MECR: variants seen among roughly 807,000 people sequenced by gnomAD.
MECR encodes enoyl-[acyl-carrier-protein] reductase, mitochondrial.
In MECR, 37 loss-of-function variants were observed where a neutral mutation model predicts 49.1. That is an observed-to-expected ratio of 0.75 (90% CI 0.58 to 0.99). The LOEUF is 0.99. Among genes scored for constraint, MECR ranks in the 50% least tolerant of loss-of-function variants. The pLI is 0.00. For missense variants in MECR, 470 were observed against 479.6 expected (o/e 0.98, Z 0.19); for synonymous variants, 198 against 191.1 (o/e 1.04, Z -0.30).
the MECR span, chr1:29,171,345 C>A: frequency 6.6e-6 from 1 of 150,444 alleles, no homozygotes; most frequent in African/African-American, 2.5e-5. Context: ...CAGAGGCAAT[C>A]CCCAAAGGAC....
chr1:29,177,231 T>C, the MECR span, among the ~76,000 whole-genome samples: 1 of 151,830 alleles, frequency 6.6e-6, no homozygotes, highest in African/African-American at 2.4e-5. Context: ...TGTTGCTTCC[T>C]TGACGTGCAT....
chr1:29,194,952 C>T (rs1673605673), intron 9 of MECR, among the ~76,000 whole-genome samples: 1 of 151,948 alleles, frequency 6.6e-6, no homozygotes, highest in Non-Finnish European at 1.5e-5. Context: ...CCCATTTCTA[C>T]TAAAAATACA....
intron 1 of MECR, chr1:29,230,474 T>C (rs1400133663): frequency 6.2e-6 from 3 of 481,596 alleles, no homozygotes; most frequent in South Asian, 2.7e-5. Flanking sequence ...AGAGCATCCA[T>C]TTAAACAAGG....
chr1:29,219,710 G>A (rs1339662004), intron 1 of MECR, among the ~76,000 whole-genome samples: 1 of 152,172 alleles, frequency 6.6e-6, no homozygotes, highest in African/African-American at 2.4e-5. Context: ...CCCAATGGGG[G>A]CTGTTGTAGC....
chr1:29,226,167 T>TGAA (rs1491141216), intron 1 of MECR, among the ~76,000 whole-genome samples: 1 of 44,364 alleles, frequency 2.3e-5, no homozygotes, highest in East Asian at 6.4e-4. Context: ...AGGCTCTATC[T>TGAA]AAAAAAAAAA....
intron 4 of MECR, among the ~76,000 whole-genome samples, chr1:29,204,775 T>C (rs2640463): frequency 0.83 from 125,553 of 152,168 alleles, 52,386 homozygotes; most frequent in Middle Eastern, 0.89. Context: ...GGGCATGGGA[T>C]GCAAGCAAAC....
chr1:29,194,270 AC>A, intron 9 of MECR, 91 bp from the exon 10 acceptor site: 8 of 1,377,810 alleles, frequency 5.8e-6, no homozygotes, highest in Non-Finnish European at 7.9e-6. Flanking sequence ...AGGAGCTGGC[AC>A]CAAGCTCCAA....
the MECR span, chr1:29,172,552 A>T: frequency 6.6e-6 from 1 of 152,186 alleles, no homozygotes; most frequent in Non-Finnish European, 1.5e-5. Context: ...TTGGCCTCCT[A>T]AAGTGCTGGA....
intron 3 of MECR, 39 bp from the exon 4 acceptor site, chr1:29,206,944 C>A (rs773998188): frequency 6.2e-7 from 1 of 1,610,344 alleles, no homozygotes; most frequent in Admixed American, 1.7e-5. Flanking sequence ...AAGGAAGGAG[C>A]CCTGTGCACA....
chr1:29,204,713 G>A (rs556194447), intron 4 of MECR, among the ~76,000 whole-genome samples: 82 of 152,260 alleles, frequency 5.4e-4, no homozygotes, highest in African/African-American at 1.8e-3. Flanking sequence ...GGGCAGCGTC[G>A]AAATGCCTAG....
At chr1:29,223,035 AAAAC>A (rs372350731) in intron 1 of MECR, 256 of 963,760 alleles carry the variant, frequency 2.7e-4, no homozygotes, top group African/African-American at 1.0e-3. Context: ...GTTCTTTAAA[AAAAC>A]AAACAAACAA....
intron 3 of MECR, among the ~76,000 whole-genome samples, chr1:29,208,434 G>A (rs939387366): frequency 6.6e-6 from 1 of 152,340 alleles, no homozygotes; most frequent in African/African-American, 2.4e-5. Flanking sequence ...GCACAGGCAA[G>A]AACAGCCTGA....
chr1:29,168,582 G>A, the MECR span: 1 of 152,190 alleles, frequency 6.6e-6, no homozygotes, highest in Non-Finnish European at 1.5e-5. Flanking sequence ...GTTCCCATTA[G>A]CCAGTGTCAG....
chr1:29,218,665 G>A (rs1239762555), intron 1 of MECR, among the ~76,000 whole-genome samples: 1 of 152,156 alleles, frequency 6.6e-6, no homozygotes, highest in Non-Finnish European at 1.5e-5. Flanking sequence ...GAGGTCAGGA[G>A]GTCGAGACCA....
intron 1 of MECR, among the ~76,000 whole-genome samples, chr1:29,217,925 T>C (rs1228219560): frequency 6.6e-6 from 1 of 152,194 alleles, no homozygotes; most frequent in South Asian, 2.1e-4. Flanking sequence ...GAAAAGACCC[T>C]GGGTGGAGGG....
At position 29,216,457 on chromosome 1, in the gene MECR, G is replaced by A; in HGVS notation, c.274+131C>T. On this transcript the variant is annotated intron_variant, in intron 2 of 9. Coordinates refer to ENST00000263702, the MANE Select transcript of MECR (RefSeq NM_016011.5). ...AGGCCAGACAGGGCTGACACAGCCT[G>A]CAGACGGCTCATCTGGAGAACAGCT... 4.1e-6 allele frequency: 4 copies of A among 971,780 alleles called. No individual in the cohort carries two copies. The South Asian group carries it at 5.8e-5, about 14-fold the overall frequency. 60.2% of individuals were successfully genotyped at this position (971,780 alleles called of 1,614,324 possible).
the MECR span, among the ~76,000 whole-genome samples, chr1:29,178,296 A>G: frequency 6.6e-6 from 1 of 151,890 alleles, no homozygotes; most frequent in Admixed American, 6.6e-5. Context: ...TCTGAACTCC[A>G]GCAATTCTTC....
chr1:29,202,594 G>C (rs1381771097), intron 5 of MECR, among the ~76,000 whole-genome samples: 1 of 152,204 alleles, frequency 6.6e-6, no homozygotes, highest in Non-Finnish European at 1.5e-5. Flanking sequence ...GAGAGTAAGT[G>C]AGGAAACCGA....
At chr1:29,185,853 G>A in the MECR span, among the ~76,000 whole-genome samples, 4 of 152,152 alleles carry the variant, frequency 2.6e-5, no homozygotes, top group Non-Finnish European at 4.4e-5. Flanking sequence ...GCATGGCGGT[G>A]CATGCCTGTA....
Sources: gnomAD v4.1 joint callset for allele counts (sites outside exome capture counted in the v4.1 genomes callset) on GRCh38, gnomAD v4.1.1 for gene constraint, MANE v1.5 for transcripts, NCBI Gene and HGNC (gene_info 2026-07-23, HGNC 2026-07-21) for gene names.